Variants in THOC5 observed in about 807,000 individuals in gnomAD.
THOC5 encodes the protein Fms-interacting protein.
A neutral mutation model predicts 92.9 loss-of-function variants in THOC5; 43 were observed. The ratio of observed to expected loss-of-function variants is 0.46; its 90% CI spans 0.36 to 0.60. THOC5 has a LOEUF of 0.60. Among genes scored for constraint, THOC5 ranks in the 20% least tolerant of loss-of-function variants. THOC5 has a pLI of 0.00. For synonymous variants in THOC5, 296 were observed against 320.1 expected, an observed-to-expected ratio of 0.92 and a Z score of 0.80; for missense variants, 659 against 849.4, an observed-to-expected ratio of 0.78 and a Z score of 2.79.
At chr22:29,532,883 C>A (rs997770238) in intron 7 of THOC5, among the ~76,000 whole-genome samples, 1 of 152,048 alleles carries the variant, frequency 6.6e-6, no homozygotes, top group Admixed American at 6.6e-5. Context: ...GAGGCTGAGG[C>A]AGAAGAATTA....
At chr22:29,536,160 C>T (rs894872932) in intron 7 of THOC5, 3 of 154,118 alleles carry the variant, frequency 1.9e-5, no homozygotes, top group African/African-American at 7.2e-5. Flanking sequence ...AAGTGGATCA[C>T]CTATACAGAA....
At chr22:29,541,627 T>C (rs1317078530) in intron 5 of THOC5, among the ~76,000 whole-genome samples, 3 of 150,660 alleles carry the variant, frequency 2.0e-5, no homozygotes, top group East Asian at 3.9e-4. Flanking sequence ...TTTGGGAGGC[T>C]GAGGCAGGCG....
At chr22:29,520,977 A>C in intron 13 of THOC5, 21 bp downstream of exon 13, 1 of 1,584,936 alleles carries the variant, frequency 6.3e-7, no homozygotes. Context: ...GAGCTCGGAG[A>C]GGAGGAAACT....
At chr22:29,552,183 T>C (rs1056738234) in intron 1 of THOC5, among the ~76,000 whole-genome samples, 4 of 152,138 alleles carry the variant, frequency 2.6e-5, no homozygotes, top group Non-Finnish European at 5.9e-5. Flanking sequence ...AGTGCCAAGA[T>C]TGCAGCCTCT....
At chr22:29,524,899 G>C (rs1424808701) in intron 12 of THOC5, among the ~76,000 whole-genome samples, 3 of 152,176 alleles carry the variant, frequency 2.0e-5, no homozygotes, top group Non-Finnish European at 4.4e-5. Context: ...ACTAGGTCAG[G>C]GCAGTGCTCT....
intron 6 of THOC5, among the ~76,000 whole-genome samples, chr22:29,539,123 A>C (rs1311514009): frequency 1.3e-5 from 2 of 151,554 alleles, no homozygotes; most frequent in Admixed American, 6.6e-5. Context: ...AAAAAAAAAA[A>C]AAAAAAAACC....
intron 17 of THOC5, chr22:29,513,833 A>G (rs1460616478): frequency 6.6e-6 from 1 of 152,226 alleles, no homozygotes; most frequent in African/African-American, 2.4e-5. Context: ...CCTCATCCCT[A>G]TAAAGAATTA....
intron 1 of THOC5, among the ~76,000 whole-genome samples, chr22:29,553,021 A>G (rs2064206647): frequency 6.6e-6 from 1 of 152,130 alleles, no homozygotes; most frequent in Non-Finnish European, 1.5e-5. Flanking sequence ...GTGCTTTGTT[A>G]AACAGAAGCT....
At position 29,519,096 on chromosome 22, in the gene THOC5, G is replaced by C. The variant is rs754679373; in HGVS notation, c.1399C>G (p.Leu467Val). 1 of 1,611,418 alleles carries C rather than the reference G, an allele frequency of 6.2e-7. No individual in the cohort carries two copies. The highest frequency in any genetic ancestry group is 8.5e-7 in the Non-Finnish European group (1 of 1,178,840). The part of the protein sequence containing the change: ...PQQTVIADHS[L>V]SASHMETTMK... ...GTGGTCTCCATGTGGCTGGCGCTCA[G>C]CGAGTGGTCAGCAATCACTGTTTGC... The change falls in exon 15 of 20, where the codon CTG becomes GTG. Residue 467 changes from leucine to valine, a missense_variant. By Grantham distance (32) the Leu-to-Val change is conservative. Transcript: ENST00000490103.
rs752176694 is a variant in THOC5 at position 29,507,960 on chromosome 22, A to T, written c.*497T>A. The stretch of plus-strand genomic sequence containing the variant: ...CACTGCACTGTCAGACATTTATAAC[A>T]TCCAACGATCAGAGACAATTTGTCC... On this transcript the variant is annotated 3_prime_UTR_variant, in exon 20 of 20. Transcript: ENST00000490103. The T allele has an allele frequency of 6.2e-6, 1 of 160,476 alleles. No individual in the cohort carries two copies. The highest frequency in any genetic ancestry group is 1.4e-5 in the Non-Finnish European group (1 of 73,268). 9.9% of individuals were successfully genotyped at this position (160,476 alleles called of 1,614,324 possible). A position where few individuals can be genotyped will look rare whatever the true frequency, so the allele number is the denominator to read the frequency against.
intron 7 of THOC5, chr22:29,535,124 T>G (rs1457439428): frequency 6.7e-6 from 1 of 150,370 alleles, no homozygotes; most frequent in African/African-American, 2.5e-5. Flanking sequence ...ATTAGCCAGG[T>G]GTGGTGGTGG....
rs1161474421 is a variant in THOC5 at position 29,534,361 on chromosome 22, C to T, written c.714+2263G>A. On this transcript the variant is annotated intron_variant, in intron 7 of 19. Coordinates refer to ENST00000490103, the MANE Select transcript of THOC5 (RefSeq NM_003678.5). ...TCTGGGATTTTGGGTGCTGGTTATA[C>T]AGATGTGTTTGCTTAGTGAATATTC... 4.6e-5 allele frequency among the ~76,000 whole-genome samples: 7 copies of T among 152,142 alleles called. No homozygotes were observed. The East Asian group carries it at 1.3e-3, about 29-fold the overall frequency.
chr22:29,542,542 C>A (rs1161711003), intron 5 of THOC5, among the ~76,000 whole-genome samples: 1 of 151,478 alleles, frequency 6.6e-6, no homozygotes, highest in African/African-American at 2.4e-5. Context: ...GGCGGGAGGA[C>A]CACCTGAGGT....
intron 12 of THOC5, among the ~76,000 whole-genome samples, chr22:29,525,083 G>T (rs2063517326): frequency 6.6e-6 from 1 of 151,980 alleles, no homozygotes; most frequent in Non-Finnish European, 1.5e-5. Context: ...GACCACCCTG[G>T]GCAACACAGC....
rs780158965 is a variant in THOC5 at position 29,511,093 on chromosome 22, A to G, written c.1988+13T>C. The G allele has an allele frequency of 1.2e-6, 2 of 1,610,804 alleles. No individual in the cohort carries two copies. Among genetic ancestry groups the G allele is most frequent in the Non-Finnish European group, 1.7e-6 (2 of 1,177,498 alleles). The stretch of plus-strand genomic sequence containing the variant: ...ACCATGAGAAGTCACCAGAGCCCCA[A>G]CCCTCTCCTCACCTGAAGAGCCGCA... On this transcript the variant is annotated intron_variant, in intron 19 of 19. Transcript: ENST00000490103.
chr22:29,538,666 A>G (rs1453649795), intron 6 of THOC5, among the ~76,000 whole-genome samples: 2 of 151,818 alleles, frequency 1.3e-5, no homozygotes, highest in African/African-American at 4.8e-5. Context: ...GCATGGTGGC[A>G]GGCACCCATA....
chr22:29,541,872 AAAAAAAAAAAAAAAAAAAAAAATAT>A (rs2063896425), intron 5 of THOC5, among the ~76,000 whole-genome samples: 3 of 66,708 alleles, frequency 4.5e-5, no homozygotes, highest in African/African-American at 1.4e-4. Context: ...AAAAAAAAAA[AAAAAAAAAAAAAAAAAAAAAAATAT>A]ATATATATAT....
At chr22:29,538,655 G>T (rs1250712779) in intron 6 of THOC5, among the ~76,000 whole-genome samples, 2 of 151,770 alleles carry the variant, frequency 1.3e-5, no homozygotes, top group East Asian at 3.9e-4. Flanking sequence ...ATATTAGCCA[G>T]GCATGGTGGC....
chr22:29,528,328 C>T (rs2063584422), intron 10 of THOC5, 98 bp downstream of exon 10: 1 of 1,613,916 alleles, frequency 6.2e-7, no homozygotes, highest in Admixed American at 1.7e-5. Flanking sequence ...CACCTTCTTT[C>T]ACACCTCTTC....
Sources: gnomAD v4.1 joint callset for allele counts (sites outside exome capture counted in the v4.1 genomes callset) on GRCh38, gnomAD v4.1.1 for gene constraint, MANE v1.5 for transcripts, NCBI Gene and HGNC (gene_info 2026-07-23, HGNC 2026-07-21) for gene names.